Variants in WDFY3 observed in about 807,000 individuals in gnomAD.
WDFY3 encodes WD repeat and FYVE domain-containing protein 3.
A neutral mutation model predicts 409.6 loss-of-function variants in WDFY3; 66 were observed. The observed-to-expected ratio is 0.16, with a 90% CI of 0.13 to 0.20. WDFY3 has a LOEUF of 0.20. WDFY3 is among the 10% of genes least tolerant of loss of function. The pLI is 1.00. For missense variants in WDFY3, 3,031 were observed against 4,298.1 expected, an observed-to-expected ratio of 0.71 and a Z score of 8.24; for synonymous variants, 1,521 against 1,537.1, an observed-to-expected ratio of 0.99 and a Z score of 0.25.
At chr4:84,908,137 G>T in intron 2 of WDFY3, among the ~76,000 whole-genome samples, 1 of 152,202 alleles carries the variant, frequency 6.6e-6, no homozygotes, top group Non-Finnish European at 1.5e-5. Flanking sequence ...AATAAAGTAG[G>T]GTAAGATTCA....
chr4:84,964,526 A>G (rs938383389), intron 1 of WDFY3, among the ~76,000 whole-genome samples: 3 of 152,240 alleles, frequency 2.0e-5, no homozygotes, highest in Admixed American at 1.3e-4. Context: ...TTAAAATTGC[A>G]AAGTTGAGCA....
intron 6 of WDFY3, among the ~76,000 whole-genome samples, chr4:84,838,198 T>C (rs1451204711): frequency 6.6e-6 from 1 of 152,198 alleles, no homozygotes; most frequent in Non-Finnish European, 1.5e-5. Flanking sequence ...TGAATTACTG[T>C]TTACTATATA....
rs1742131024 is a variant in WDFY3 at position 84,759,573 on chromosome 4, A to G, written c.5189-2412T>C. ...TTTATTCTCTTTGAAGCAATTGTGA[A>G]TGGGAGTTCACTCATGATTTGGCTC... On this transcript the variant is annotated intron_variant, in intron 32 of 67. Transcript: ENST00000295888. Among the ~76,000 whole-genome samples, 4 of 150,210 alleles carry G rather than the reference A, an allele frequency of 2.7e-5. No individual in the cohort carries two copies. The South Asian group carries it at 8.6e-4, about 32-fold the overall frequency.
chr4:84,871,913 C>T (rs570862315), intron 3 of WDFY3, among the ~76,000 whole-genome samples: 21 of 152,296 alleles, frequency 1.4e-4, no homozygotes, highest in Non-Finnish European at 2.5e-4. Flanking sequence ...GGATTACAGG[C>T]ATGAGCCATC....
At chr4:84,869,085 C>G (rs945848381) in intron 3 of WDFY3, among the ~76,000 whole-genome samples, 1 of 152,190 alleles carries the variant, frequency 6.6e-6, no homozygotes, top group African/African-American at 2.4e-5. Flanking sequence ...TAATCACTGA[C>G]CAGTATCCTC....
chr4:84,842,138 C>T lies in WDFY3; in HGVS notation c.305-875G>A, dbSNP rs138939863. On this transcript the variant is annotated intron_variant, in intron 5 of 67. Transcript: ENST00000295888. ...ATCTAATTTCATCAGCATGGCTTGC[C>T]AATTTTTACAGTAACATATGATAGG... Among the ~76,000 whole-genome samples the T allele has an allele frequency of 8.5e-4, 129 of 152,176 alleles. 1 individual carries two copies. The highest frequency in any genetic ancestry group is 3.4e-3 in the Middle Eastern group (1 of 294).
chr4:84,815,200 G>T (rs1198955968), intron 13 of WDFY3, among the ~76,000 whole-genome samples: 1 of 152,116 alleles, frequency 6.6e-6, no homozygotes, highest in East Asian at 1.9e-4. Context: ...ACACTGGTTT[G>T]TCTGTTATTA....
intron 51 of WDFY3, among the ~76,000 whole-genome samples, chr4:84,712,045 C>T (rs759540873): frequency 4.0e-5 from 6 of 151,820 alleles, no homozygotes; most frequent in Admixed American, 2.0e-4. Context: ...GAATCATAGC[C>T]GGGCATGGTG....
chr4:84,813,774 T>C (rs1752864757), intron 13 of WDFY3, among the ~76,000 whole-genome samples: 2 of 152,146 alleles, frequency 1.3e-5, no homozygotes, highest in Non-Finnish European at 2.9e-5. Context: ...GAAAATGGTA[T>C]GTTAAAAAAA....
chr4:84,898,907 A>T (rs971194554), intron 2 of WDFY3, among the ~76,000 whole-genome samples: 2 of 152,204 alleles, frequency 1.3e-5, no homozygotes, highest in Non-Finnish European at 2.9e-5. Context: ...AAAAACTAAC[A>T]CAAAACAAAG....
chr4:84,846,486 G>A (rs977369302), intron 5 of WDFY3, among the ~76,000 whole-genome samples: 3 of 151,704 alleles, frequency 2.0e-5, no homozygotes, highest in African/African-American at 7.3e-5. Context: ...CATAAAGGGA[G>A]TTAGGAAAAC....
At chr4:84,797,939 T>TC (rs1462052464) in intron 18 of WDFY3, 57 bp downstream of exon 18, 23 of 1,395,418 alleles carry the variant, frequency 1.6e-5, no homozygotes, top group Non-Finnish European at 2.3e-5. Flanking sequence ...ATAATATTCA[T>TC]CCCCTACATG....
At chr4:84,719,877 A>G (rs1044628020) in intron 47 of WDFY3, among the ~76,000 whole-genome samples, 2 of 152,168 alleles carry the variant, frequency 1.3e-5, no homozygotes, top group Non-Finnish European at 2.9e-5. Context: ...TTTCTAATGT[A>G]TTGTCATTCA....
intron 4 of WDFY3, among the ~76,000 whole-genome samples, chr4:84,856,622 T>C (rs146649708): frequency 6.6e-5 from 10 of 152,256 alleles, no homozygotes; most frequent in African/African-American, 2.4e-4. Context: ...GAACCCAGCA[T>C]GAGACCTGGC....
At chr4:84,740,039 C>T (rs187890717) in intron 39 of WDFY3, 148 bp downstream of exon 39, 13 of 801,296 alleles carry the variant, frequency 1.6e-5, no homozygotes, top group Non-Finnish European at 2.1e-5. Context: ...TGCAAAAATT[C>T]AACACTTGCC....
chr4:84,731,166 T>C (rs1162186229), intron 44 of WDFY3, among the ~76,000 whole-genome samples: 1 of 152,188 alleles, frequency 6.6e-6, no homozygotes, highest in Non-Finnish European at 1.5e-5. Context: ...TCCTGGGCCA[T>C]ATGTGACCTG....
intron 6 of WDFY3, among the ~76,000 whole-genome samples, chr4:84,838,503 G>C (rs995765583): frequency 1.3e-5 from 2 of 152,174 alleles, no homozygotes; most frequent in Non-Finnish European, 2.9e-5. Flanking sequence ...TGGTAATACA[G>C]ATCATAAATT....
At chr4:84,710,885 A>T (rs574537150) in intron 51 of WDFY3, among the ~76,000 whole-genome samples, 134 of 152,338 alleles carry the variant, frequency 8.8e-4, no homozygotes, top group African/African-American at 3.1e-3. Flanking sequence ...TGTTAACAAC[A>T]ACACATATGA....
At chr4:84,830,220 TTGA>T (rs988250815) in intron 8 of WDFY3, among the ~76,000 whole-genome samples, 21 of 152,326 alleles carry the variant, frequency 1.4e-4, no homozygotes, top group African/African-American at 4.8e-4. Flanking sequence ...AGTTCTCAAC[TTGA>T]TGATTTGACT....
Sources: gnomAD v4.1 joint callset for allele counts (sites outside exome capture counted in the v4.1 genomes callset) on GRCh38, gnomAD v4.1.1 for gene constraint, MANE v1.5 for transcripts, NCBI Gene and HGNC (gene_info 2026-07-23, HGNC 2026-07-21) for gene names.